Variants in MANBA observed in about 807,000 individuals in gnomAD.
The protein encoded by MANBA is beta-mannosidase.
Under a neutral mutation model 111.1 loss-of-function variants are expected in MANBA, and 83 were observed. The ratio of observed to expected loss-of-function variants is 0.75; its 90% CI spans 0.63 to 0.90. MANBA has a LOEUF of 0.90. Ranked by LOEUF, MANBA falls within the 40% of genes least tolerant of loss-of-function variation. The probability of loss-of-function intolerance (pLI) is 0.00; values close to 1 mark genes in which losing one functional copy is unlikely to be tolerated. For synonymous variants in MANBA, 370 were observed against 378.7 expected (o/e 0.98, Z 0.27); for missense variants, 1,036 against 1,069.0 (o/e 0.97, Z 0.43).
At chr4:102,714,783 TCTC>T (rs1722250485) in intron 4 of MANBA, among the ~76,000 whole-genome samples, 4 of 152,212 alleles carry the variant, frequency 2.6e-5, no homozygotes, top group Non-Finnish European at 4.4e-5. Context: ...CTGAAGCCGA[TCTC>T]CTCTGTTTGC....
At chr4:102,708,815 C>A (rs968448015) in intron 5 of MANBA, among the ~76,000 whole-genome samples, 5 of 151,500 alleles carry the variant, frequency 3.3e-5, no homozygotes, top group Non-Finnish European at 5.9e-5. Flanking sequence ...CCAAATGAAC[C>A]TAATACACGT....
chr4:102,697,822 G>C (rs1235215732), intron 5 of MANBA, among the ~76,000 whole-genome samples: 1 of 152,084 alleles, frequency 6.6e-6, no homozygotes, highest in Non-Finnish European at 1.5e-5. Flanking sequence ...AAACATACCT[G>C]TGCATGTGTC....
intron 4 of MANBA, among the ~76,000 whole-genome samples, chr4:102,715,800 T>G (rs1578931554): frequency 6.6e-6 from 1 of 152,210 alleles, no homozygotes; most frequent in South Asian, 2.1e-4. Context: ...ATCCAATATA[T>G]CTATGTTGCA....
At chr4:102,640,127 G>A (rs1560741511) in intron 13 of MANBA, among the ~76,000 whole-genome samples, 1 of 152,066 alleles carries the variant, frequency 6.6e-6, no homozygotes, top group East Asian at 1.9e-4. Context: ...TGGTGTAAAA[G>A]GTTCTCTGCT....
chr4:102,753,500 C>T (rs1305910034), intron 1 of MANBA, among the ~76,000 whole-genome samples: 1 of 151,970 alleles, frequency 6.6e-6, no homozygotes, highest in Non-Finnish European at 1.5e-5. Flanking sequence ...TATCAGCGGA[C>T]AAAAGAGAAA....
intron 7 of MANBA, among the ~76,000 whole-genome samples, chr4:102,687,731 A>G (rs769870957): frequency 7.2e-5 from 11 of 152,152 alleles, no homozygotes; most frequent in Non-Finnish European, 1.6e-4. Flanking sequence ...GGCTCATTTA[A>G]TGATTGAACT....
chr4:102,647,056 GA>G (rs1730136029), intron 13 of MANBA, among the ~76,000 whole-genome samples: 2 of 151,822 alleles, frequency 1.3e-5, no homozygotes, highest in East Asian at 3.8e-4. Flanking sequence ...GTTGGAGTAG[GA>G]ACATAGAAAG....
chr4:102,689,388 GTA>G (rs1027802711), intron 7 of MANBA, among the ~76,000 whole-genome samples, 184 bp downstream of exon 7: 6 of 130,566 alleles, frequency 4.6e-5, no homozygotes, highest in African/African-American at 1.4e-4. Context: ...ATGTGTGTGT[GTA>G]TATATATGTA....
intron 7 of MANBA, among the ~76,000 whole-genome samples, chr4:102,684,864 CA>C (rs1732141504): frequency 6.6e-6 from 1 of 152,156 alleles, no homozygotes; most frequent in African/African-American, 2.4e-5. Flanking sequence ...TCATGCTACA[CA>C]GAACAGTGAG....
intron 14 of MANBA, among the ~76,000 whole-genome samples, 171 bp downstream of exon 14, chr4:102,639,542 T>C (rs914936282): frequency 2.6e-5 from 4 of 152,224 alleles, no homozygotes; most frequent in Non-Finnish European, 5.9e-5. Context: ...ATGGAAAGGC[T>C]ACTAAGGTGA....
At chr4:102,701,358 C>A (rs1174431622) in intron 5 of MANBA, among the ~76,000 whole-genome samples, 2 of 151,934 alleles carry the variant, frequency 1.3e-5, no homozygotes, top group African/African-American at 2.4e-5. Context: ...AGTCCATTTA[C>A]ATTTAAAGTT....
chr4:102,749,890 G>A (rs1723724301), intron 1 of MANBA, among the ~76,000 whole-genome samples: 1 of 152,176 alleles, frequency 6.6e-6, no homozygotes, highest in African/African-American at 2.4e-5. Context: ...CTCTCAGGTG[G>A]TCCTTTGATT....
chr4:102,672,350 T>A (rs575570486), intron 8 of MANBA, among the ~76,000 whole-genome samples: 2 of 152,320 alleles, frequency 1.3e-5, no homozygotes, highest in Non-Finnish European at 2.9e-5. Flanking sequence ...TTCATAAAGT[T>A]TATTTTCAGC....
intron 5 of MANBA, among the ~76,000 whole-genome samples, chr4:102,691,514 CTTTTT>C (rs544931674): frequency 1.5e-5 from 2 of 137,060 alleles, no homozygotes; most frequent in Non-Finnish European, 3.2e-5. Flanking sequence ...TTTCTTTTTC[CTTTTT>C]TTTTTTTTTT....
intron 5 of MANBA, among the ~76,000 whole-genome samples, chr4:102,697,542 G>A (rs908667618): frequency 8.1e-6 from 1 of 124,036 alleles, no homozygotes; most frequent in Non-Finnish European, 1.6e-5. Context: ...AGAGTGTGAT[G>A]TTCCCCTTCC....
At chr4:102,683,235 A>G (rs1270793604) in intron 7 of MANBA, among the ~76,000 whole-genome samples, 2 of 152,082 alleles carry the variant, frequency 1.3e-5, no homozygotes, top group Non-Finnish European at 2.9e-5. Flanking sequence ...TGTAGTAGCC[A>G]TGGACAATCA....
At chr4:102,712,536 T>TTG (rs1195258523) in intron 5 of MANBA, among the ~76,000 whole-genome samples, 2 of 151,860 alleles carry the variant, frequency 1.3e-5, no homozygotes, top group African/African-American at 4.8e-5. Flanking sequence ...TTTTTTTTTT[T>TTG]TTAAACAGCA....
At chr4:102,648,628 A>T (rs1169794647) in intron 13 of MANBA, among the ~76,000 whole-genome samples, 7 of 152,124 alleles carry the variant, frequency 4.6e-5, no homozygotes, top group Non-Finnish European at 1.0e-4. Context: ...TTTTAGAATG[A>T]CAGAAATATT....
At chr4:102,646,615 C>T (rs1483198820) in intron 13 of MANBA, among the ~76,000 whole-genome samples, 2 of 152,056 alleles carry the variant, frequency 1.3e-5, no homozygotes, top group African/African-American at 4.8e-5. Context: ...CTCTTAGTGG[C>T]CAATAAGAGG....
Sources: gnomAD v4.1 joint callset for allele counts (sites outside exome capture counted in the v4.1 genomes callset) on GRCh38, gnomAD v4.1.1 for gene constraint, MANE v1.5 for transcripts, NCBI Gene and HGNC (gene_info 2026-07-23, HGNC 2026-07-21) for gene names.